The following DISP1 variants were observed in gnomAD, a reference collection of about 807,000 sequenced individuals.
DISP1 encodes the protein protein dispatched homolog 1.
A neutral mutation model predicts 37.3 loss-of-function variants in DISP1; 30 were observed. That is an observed-to-expected ratio of 0.80 (90% CI 0.60 to 1.09). The LOEUF (loss-of-function observed/expected upper bound fraction) is 1.09. Among genes scored for constraint, DISP1 ranks in the 50% least tolerant of loss-of-function variants. The pLI is 0.00. For synonymous variants in DISP1, 634 were observed against 690.2 expected (o/e 0.92, Z 1.28); for missense variants, 1,598 against 1,879.5 (o/e 0.85, Z 2.77).
intron 1 of DISP1, among the ~76,000 whole-genome samples, chr1:222,863,096 G>A (rs983719208): frequency 7.9e-5 from 12 of 152,162 alleles, no homozygotes; most frequent in Admixed American, 4.6e-4. Context: ...GAGATGCTGT[G>A]CTGTTCTCAG....
intron 3 of DISP1, among the ~76,000 whole-genome samples, chr1:222,977,846 T>C (rs61837503): frequency 9.2e-5 from 14 of 152,176 alleles, no homozygotes; most frequent in Non-Finnish European, 8.8e-5. Flanking sequence ...TCATCCATGT[T>C]CCTACAAAGG....
At chr1:222,915,246 G>A (rs1057142913) in intron 1 of DISP1, among the ~76,000 whole-genome samples, 4 of 152,166 alleles carry the variant, frequency 2.6e-5, no homozygotes, top group African/African-American at 9.7e-5. Context: ...GATTATTTTA[G>A]AGATTTATGA....
Position 222,863,388 on chromosome 1 carries a change from C to T in DISP1, c.-159+48310C>T, listed in dbSNP as rs202073853. ...GACAAAAATTAGCTGGGCATAGTGGCGTGTGCCTGTGGTCCCAGCTACTTG... is the reference window on the plus strand; with the variant it reads ...GACAAAAATTAGCTGGGCATAGTGGTGTGTGCCTGTGGTCCCAGCTACTTG... On this transcript the variant is annotated intron_variant, in intron 1 of 8. Coordinates refer to ENST00000675850, the MANE Select transcript of DISP1 (RefSeq NM_001377229.1). Among the ~76,000 whole-genome samples the T allele has an allele frequency of 3.9e-5, 6 of 152,088 alleles. No individual in the cohort carries two copies. The East Asian group carries it at 7.7e-4, about 20-fold the overall frequency.
chr1:222,835,745 A>G (rs1254933465), intron 1 of DISP1, among the ~76,000 whole-genome samples: 1 of 152,160 alleles, frequency 6.6e-6, no homozygotes, highest in Non-Finnish European at 1.5e-5. Context: ...TAGTATCAGG[A>G]GTTCAAGACC....
chr1:222,869,939 C>T (rs530317403), intron 1 of DISP1, among the ~76,000 whole-genome samples: 207 of 152,072 alleles, frequency 1.4e-3, no homozygotes, highest in Middle Eastern at 0.01. Flanking sequence ...TCCCTCCCCT[C>T]TCCCCCCACC....
intron 1 of DISP1, among the ~76,000 whole-genome samples, chr1:222,872,695 A>G (rs1669660627): frequency 6.6e-6 from 1 of 152,070 alleles, no homozygotes; most frequent in Admixed American, 6.6e-5. Context: ...CTAGCAGTCT[A>G]TCAATTTTGT....
At chr1:222,897,085 A>G (rs1671306002) in intron 1 of DISP1, among the ~76,000 whole-genome samples, 1 of 152,238 alleles carries the variant, frequency 6.6e-6, no homozygotes, top group South Asian at 2.1e-4. Context: ...CCCCAAACTG[A>G]AAACAATCTA....
rs577346199 is a variant in DISP1 at position 222,992,015 on chromosome 1, A to G, written c.794A>G (p.His265Arg). Residue 265 changes from histidine (H) to arginine (R), a missense_variant and splice_region_variant, in exon 7 of 9, where the codon CAT becomes CGT. By Grantham distance (29) the His-to-Arg change is conservative (BLOSUM62 0). Coordinates refer to ENST00000675850, the MANE Select transcript of DISP1 (RefSeq NM_001377229.1). ...FKYADEQAKS[H>R]RDDRWSDDHY... ...ATCAAATTGTCGTTCCATTTCAGCC[A>G]TCGGGATGATAGATGGTCAGATGAT... 1 of 1,612,230 alleles carries G rather than the reference A, an allele frequency of 6.2e-7. No homozygotes were observed. Among genetic ancestry groups the G allele is most frequent in the African/African-American group, 1.3e-5 (1 of 75,032 alleles).
At chr1:222,971,058 G>A (rs1676909738) in intron 3 of DISP1, among the ~76,000 whole-genome samples, 1 of 151,878 alleles carries the variant, frequency 6.6e-6, no homozygotes, top group Non-Finnish European at 1.5e-5. Context: ...TCTAATCTCA[G>A]ATTTTGAGAA....
intron 2 of DISP1, 145 bp from the exon 3 acceptor site, chr1:222,942,662 C>A: frequency 1.1e-6 from 1 of 906,642 alleles, no homozygotes; most frequent in Non-Finnish European, 1.7e-6. Context: ...GGTTCCATCA[C>A]AGATGCTGCG....
chr1:222,991,591 A>G lies in DISP1; in HGVS notation c.735A>G (p.Gly245=), dbSNP rs1170013553. The change falls in exon 6 of 9, where the codon GGA becomes GGG. Residue 245 remains glycine, a synonymous_variant. Coordinates refer to ENST00000675850, the MANE Select transcript of DISP1 (RefSeq NM_001377229.1). ...VTWNNMVKNT[G]YKATLANYPF... is the part of the protein sequence containing the mutation. ...GGAATAATATGGTGAAAAATACAGG[A>G]TACAAAGCAACATTAGCAAATTATC... 6.2e-7 allele frequency: 1 copy of G among 1,613,908 alleles called. No individual in the cohort carries two copies. Among genetic ancestry groups the G allele is most frequent in the East Asian group, 2.2e-5 (1 of 44,814 alleles).
intron 1 of DISP1, among the ~76,000 whole-genome samples, chr1:222,844,927 G>T (rs1667818160): frequency 6.6e-6 from 1 of 152,076 alleles, no homozygotes; most frequent in Admixed American, 6.6e-5. Context: ...AAAAGGATGG[G>T]TATTGCTGGG....
At chr1:222,873,662 G>A (rs891772676) in intron 1 of DISP1, among the ~76,000 whole-genome samples, 4 of 152,072 alleles carry the variant, frequency 2.6e-5, no homozygotes, top group African/African-American at 9.7e-5. Flanking sequence ...TTGAGCCTAT[G>A]TGTGTTTCTG....
intron 1 of DISP1, among the ~76,000 whole-genome samples, chr1:222,868,722 A>G (rs1669344140): frequency 1.3e-5 from 2 of 152,128 alleles, no homozygotes; most frequent in South Asian, 2.1e-4. Flanking sequence ...CTACTCTGGT[A>G]TTTCTAATAT....
At chr1:222,920,663 TG>T (rs1672762315) in intron 1 of DISP1, among the ~76,000 whole-genome samples, 2 of 152,162 alleles carry the variant, frequency 1.3e-5, no homozygotes, top group African/African-American at 2.4e-5. Flanking sequence ...AGTAATTTTT[TG>T]GTTACGTTAA....
chr1:222,898,858 C>T (rs1045725886), intron 1 of DISP1, among the ~76,000 whole-genome samples: 4 of 152,016 alleles, frequency 2.6e-5, no homozygotes, highest in Non-Finnish European at 4.4e-5. Flanking sequence ...CTAAGCTAAA[C>T]TTCTTGACTA....
At chr1:222,839,295 G>A (rs577217190) in intron 1 of DISP1, among the ~76,000 whole-genome samples, 1 of 152,282 alleles carries the variant, frequency 6.6e-6, no homozygotes, top group East Asian at 1.9e-4. Context: ...CTTCTTATGA[G>A]AATCTAATGC....
intron 3 of DISP1, among the ~76,000 whole-genome samples, chr1:222,971,199 A>G (rs116827670): frequency 0.024 from 3,694 of 152,172 alleles, 135 homozygotes; most frequent in African/African-American, 0.084. Context: ...TAAGCATGAG[A>G]AAGTTTAGAT....
chr1:222,894,736 C>T (rs935105611), intron 1 of DISP1, among the ~76,000 whole-genome samples: 2 of 152,218 alleles, frequency 1.3e-5, no homozygotes, highest in Non-Finnish European at 2.9e-5. Context: ...CACCTGTTCC[C>T]GCTCCCGCTG....
Sources: allele counts gnomAD v4.1 joint callset (sites outside exome capture counted in the v4.1 genomes callset), GRCh38; gene constraint gnomAD v4.1.1; transcripts MANE v1.5; gene names NCBI Gene and HGNC (gene_info 2026-07-23, HGNC 2026-07-21).